Variants in ADD1 observed in about 807,000 individuals in gnomAD.
ADD1 encodes alpha-adducin.
Under a neutral mutation model 80.5 loss-of-function variants are expected in ADD1, and 24 were observed. That is an observed-to-expected ratio of 0.30 (90% CI 0.22 to 0.42). ADD1 has a LOEUF of 0.42. Ranked by LOEUF, ADD1 falls within the 10% of genes least tolerant of loss-of-function variation. The pLI, the probability that ADD1 is intolerant of heterozygous loss-of-function variation, is 1.00. For synonymous variants in ADD1, 373 were observed against 393.8 expected (o/e 0.95, Z 0.63); for missense variants, 948 against 1,019.0 (o/e 0.93, Z 0.95).
At chr4:2,852,879 T>TA (rs1300582430) in intron 1 of ADD1, among the ~76,000 whole-genome samples, 1 of 151,898 alleles carries the variant, frequency 6.6e-6, no homozygotes, top group Non-Finnish European at 1.5e-5. Context: ...AAAAAAATTT[T>TA]TTTTTTAGTA....
chr4:2,851,957 G>A (rs1356954346), intron 1 of ADD1, among the ~76,000 whole-genome samples: 2 of 151,504 alleles, frequency 1.3e-5, no homozygotes, highest in South Asian at 4.2e-4. Flanking sequence ...TTCTACTTCA[G>A]CCTCCCGAGT....
intron 1 of ADD1, among the ~76,000 whole-genome samples, chr4:2,864,651 T>G (rs1729278830): frequency 6.6e-6 from 1 of 152,152 alleles, no homozygotes; most frequent in Admixed American, 6.5e-5. Context: ...GGCCCTATGC[T>G]TATAATCACT....
At chr4:2,880,620 C>T (rs971189537) in intron 2 of ADD1, among the ~76,000 whole-genome samples, 10 of 151,608 alleles carry the variant, frequency 6.6e-5, no homozygotes, top group Non-Finnish European at 1.0e-4. Flanking sequence ...GGACTACAGG[C>T]GCCCACCACC....
Position 2,857,363 on chromosome 4 carries a change from C to G in ADD1, c.-21+13339C>G, listed in dbSNP as rs1320453297. The stretch of plus-strand genomic sequence containing the variant: ...TGCTCCTGCAGTCTCAGAGTCCCAG[C>G]TACTCAAGAGGCTGAAGTTAGAGGA... On this transcript the variant is annotated intron_variant, in intron 1 of 15. Coordinates refer to ENST00000683351, the MANE Select transcript of ADD1 (RefSeq NM_001354761.2). 2.0e-5 allele frequency among the ~76,000 whole-genome samples: 3 copies of G among 152,178 alleles called. No individual in the cohort carries two copies. In the East Asian group the frequency reaches 5.8e-4, roughly 29 times the overall value.
intron 13 of ADD1, among the ~76,000 whole-genome samples, chr4:2,911,816 A>C (rs1738114550): frequency 1.3e-5 from 2 of 152,112 alleles, no homozygotes; most frequent in South Asian, 4.1e-4. Flanking sequence ...GAAGGATTAG[A>C]GATGAAGATG....
chr4:2,893,111 T>A (rs1734585492), intron 4 of ADD1, among the ~76,000 whole-genome samples: 1 of 151,860 alleles, frequency 6.6e-6, no homozygotes, highest in Admixed American at 6.6e-5. Flanking sequence ...ATTTTTTTAG[T>A]AGAGACGGGG....
chr4:2,870,939 T>C (rs1455503477), intron 1 of ADD1, among the ~76,000 whole-genome samples: 1 of 106,732 alleles, frequency 9.4e-6, no homozygotes, highest in Non-Finnish European at 2.0e-5. Flanking sequence ...TGCTGCATGC[T>C]GTTTTTTTTG....
chr4:2,905,354 C>T (rs1401151521), intron 10 of ADD1: 7 of 535,358 alleles, frequency 1.3e-5, no homozygotes, highest in South Asian at 2.6e-5. Flanking sequence ...CCGTATATAG[C>T]AAAAATATAC....
At chr4:2,863,413 G>A (rs1729095599) in intron 1 of ADD1, among the ~76,000 whole-genome samples, 1 of 151,946 alleles carries the variant, frequency 6.6e-6, no homozygotes, top group African/African-American at 2.4e-5. Context: ...TAGGAAAGTG[G>A]TAGTAATAAT....
intron 13 of ADD1, among the ~76,000 whole-genome samples, chr4:2,912,080 GCC>G (rs1738170638): frequency 1.3e-5 from 2 of 152,246 alleles, no homozygotes; most frequent in Non-Finnish European, 2.9e-5. Flanking sequence ...AGAGAGGTCA[GCC>G]GCTAGTGCAG....
intron 1 of ADD1, among the ~76,000 whole-genome samples, chr4:2,846,035 A>G (rs919256905): frequency 6.6e-6 from 1 of 152,230 alleles, no homozygotes; most frequent in Admixed American, 6.5e-5. Flanking sequence ...AAATAGTTCA[A>G]TATGTATATC....
Position 2,884,928 on chromosome 4 carries a change from T to C in ADD1, c.510+262T>C, listed in dbSNP as rs189426139. Among the ~76,000 whole-genome samples the C allele has an allele frequency of 2.0e-3, 299 of 152,370 alleles. 3 individuals are homozygous for C. Among genetic ancestry groups the C allele is most frequent in the Admixed American group, 0.018 (270 of 15,304 alleles). On this transcript the variant is annotated intron_variant, in intron 4 of 15. Coordinates refer to ENST00000683351, the MANE Select transcript of ADD1 (RefSeq NM_001354761.2). ...TAAGTGTTTACCAGATTATATGCAG[T>C]TTCTAAAATTATTTTTATGCTTAAA...
chr4:2,884,731 T>G (rs1382846266), intron 4 of ADD1, 65 bp downstream of exon 4: 1 of 1,483,172 alleles, frequency 6.7e-7, no homozygotes, highest in East Asian at 2.4e-5. Context: ...CACCACCTCT[T>G]TCCATTTAGG....
At chr4:2,851,997 C>G (rs1727157035) in intron 1 of ADD1, among the ~76,000 whole-genome samples, 1 of 152,092 alleles carries the variant, frequency 6.6e-6, no homozygotes, top group Admixed American at 6.5e-5. Flanking sequence ...CATCACTACG[C>G]CCGGCTAATT....
intron 14 of ADD1, among the ~76,000 whole-genome samples, chr4:2,922,378 T>G (rs931707389): frequency 1.3e-5 from 2 of 152,226 alleles, no homozygotes; most frequent in Non-Finnish European, 2.9e-5. Context: ...TTAGTTTTCC[T>G]TCTAACAGAC....
At chr4:2,871,857 T>G (rs950404952) in intron 1 of ADD1, among the ~76,000 whole-genome samples, 1 of 152,210 alleles carries the variant, frequency 6.6e-6, no homozygotes, top group African/African-American at 2.4e-5. Context: ...ATCTAGCTAG[T>G]GTTCAAATTT....
intron 1 of ADD1, among the ~76,000 whole-genome samples, chr4:2,875,063 A>G (rs1731061662): frequency 1.3e-5 from 2 of 152,174 alleles, no homozygotes; most frequent in African/African-American, 2.4e-5. Context: ...CCCCATCTCT[A>G]CAAAATTTTT....
chr4:2,927,163 G>A (rs533942202), intron 15 of ADD1, among the ~76,000 whole-genome samples: 5 of 152,358 alleles, frequency 3.3e-5, no homozygotes, highest in Admixed American at 6.5e-5. Flanking sequence ...TCTCCAGAGC[G>A]AGTGCCCTGG....
chr4:2,911,924 G>A (rs17834203), intron 13 of ADD1, among the ~76,000 whole-genome samples: 32,237 of 152,190 alleles, frequency 0.21, 4,149 homozygotes, highest in Non-Finnish European at 0.28. Flanking sequence ...TTCATGCTGT[G>A]TGGTAGAAAT....
Sources: gnomAD v4.1 joint callset for allele counts (sites outside exome capture counted in the v4.1 genomes callset) on GRCh38, gnomAD v4.1.1 for gene constraint, MANE v1.5 for transcripts, NCBI Gene and HGNC (gene_info 2026-07-23, HGNC 2026-07-21) for gene names.